Variants in CTNNA2 observed in about 807,000 individuals in gnomAD.
CTNNA2 encodes the protein catenin alpha 2.
In CTNNA2, 42 loss-of-function variants were observed where a neutral mutation model predicts 101.0. The ratio of observed to expected loss-of-function variants is 0.42; its 90% CI spans 0.32 to 0.54. The LOEUF is 0.54. CTNNA2 is among the 20% of genes least tolerant of loss of function. The probability of loss-of-function intolerance (pLI) is 0.14; values close to 1 mark genes in which losing one functional copy is unlikely to be tolerated. For synonymous variants in CTNNA2, 450 were observed against 456.4 expected (o/e 0.99, Z 0.18); for missense variants, 871 against 1,223.1 (o/e 0.71, Z 4.29).
intron 2 of CTNNA2, among the ~76,000 whole-genome samples, chr2:79,268,087 C>T (rs933727496): frequency 6.6e-6 from 1 of 152,076 alleles, no homozygotes; most frequent in Non-Finnish European, 1.5e-5. Context: ...TATTGAGAAG[C>T]TCATGGTGGC....
chr2:79,978,630 A>T (rs1450674181), intron 7 of CTNNA2, among the ~76,000 whole-genome samples: 1 of 152,112 alleles, frequency 6.6e-6, no homozygotes, highest in Non-Finnish European at 1.5e-5. Context: ...GGGAGAAAAG[A>T]GTTTGATTCA....
chr2:80,091,897 T>C (rs1699814290), intron 7 of CTNNA2, among the ~76,000 whole-genome samples: 1 of 152,150 alleles, frequency 6.6e-6, no homozygotes, highest in South Asian at 2.1e-4. Flanking sequence ...CCTCTGGCCA[T>C]CCAAACTGTT....
intron 18 of CTNNA2, among the ~76,000 whole-genome samples, chr2:80,647,347 G>A (rs1558678036): frequency 7.1e-6 from 1 of 140,444 alleles, no homozygotes; most frequent in African/African-American, 2.5e-5. Flanking sequence ...GTAATAATAT[G>A]AGATGTTCTA....
intron 7 of CTNNA2, among the ~76,000 whole-genome samples, chr2:80,339,924 G>A (rs1255240617): frequency 4.6e-5 from 7 of 152,128 alleles, no homozygotes; most frequent in African/African-American, 1.2e-4. Context: ...TCATTTCCCA[G>A]ACATTTTAAT....
chr2:79,211,567 G>A (rs565369704), intron 2 of CTNNA2, among the ~76,000 whole-genome samples: 1 of 152,256 alleles, frequency 6.6e-6, no homozygotes, highest in African/African-American at 2.4e-5. Flanking sequence ...GCTCAGTAGG[G>A]GAGCTTTTGA....
intron 7 of CTNNA2, among the ~76,000 whole-genome samples, chr2:80,175,406 G>T (rs1220470632): frequency 1.3e-5 from 2 of 152,106 alleles, no homozygotes; most frequent in Non-Finnish European, 2.9e-5. Context: ...CCTCACTATT[G>T]TATTCTCAGT....
chr2:79,998,588 A>T (rs184308849), intron 7 of CTNNA2, among the ~76,000 whole-genome samples: 35 of 152,280 alleles, frequency 2.3e-4, no homozygotes, highest in African/African-American at 8.2e-4. Context: ...TTTTGCAAAG[A>T]TTTGTGGCTA....
At chr2:79,500,990 G>A (rs1452513944) in intron 4 of CTNNA2, 1 of 152,186 alleles carries the variant, frequency 6.6e-6, no homozygotes, top group African/African-American at 2.4e-5. Context: ...CTAATCTGTG[G>A]TGTACTTTTT....
At chr2:79,276,501 T>C (rs1675216317) in intron 2 of CTNNA2, among the ~76,000 whole-genome samples, 1 of 152,110 alleles carries the variant, frequency 6.6e-6, no homozygotes, top group African/African-American at 2.4e-5. Context: ...CCTGATGTAA[T>C]GTTTGTTACC....
chr2:80,433,094 GT>G (rs905805031), intron 9 of CTNNA2, among the ~76,000 whole-genome samples: 1 of 152,128 alleles, frequency 6.6e-6, no homozygotes, highest in African/African-American at 2.4e-5. Flanking sequence ...TAAAGAGGCT[GT>G]TTTCATCCCC....
At chr2:79,757,259 A>T (rs1672462335) in intron 3 of CTNNA2, among the ~76,000 whole-genome samples, 1 of 118,656 alleles carries the variant, frequency 8.4e-6, no homozygotes, top group African/African-American at 3.8e-5. Context: ...GCAGAGCATA[A>T]TAATAAAAAA....
intron 4 of CTNNA2, among the ~76,000 whole-genome samples, chr2:79,391,269 G>A (rs115458458): frequency 0.018 from 2,737 of 152,184 alleles, 50 homozygotes; most frequent in South Asian, 0.034. Context: ...ACAAGACCAA[G>A]CCCTCCTCCT....
rs1019334809 is a variant in CTNNA2, at chr2:79,928,919, A to G, written c.1056+19122A>G. Among the ~76,000 whole-genome samples the G allele has an allele frequency of 9.2e-5, 14 of 152,326 alleles. No individual in the cohort carries two copies. In the East Asian group the frequency reaches 2.5e-3, roughly 27 times the overall value. On this transcript the variant is annotated intron_variant, in intron 7 of 18. Coordinates refer to ENST00000402739, the MANE Select transcript of CTNNA2 (RefSeq NM_001282597.3). ...TAGTTAATAGTTAATACTGACCTTG[A>G]GGTATATATTGTCTGTTTCATAATA... is the stretch of plus-strand genomic sequence containing the variant.
chr2:80,222,514 G>T (rs921067621), intron 7 of CTNNA2, among the ~76,000 whole-genome samples: 3 of 152,108 alleles, frequency 2.0e-5, no homozygotes, highest in Non-Finnish European at 4.4e-5. Context: ...TGCCATAGGT[G>T]ACTCCTCTGA....
chr2:80,179,559 G>T (rs1388234124), intron 7 of CTNNA2, among the ~76,000 whole-genome samples: 1 of 152,042 alleles, frequency 6.6e-6, no homozygotes, highest in Non-Finnish European at 1.5e-5. Context: ...ATTTTTAGTA[G>T]AGAAGGGATT....
At chr2:79,826,010 TG>T (rs1346028451) in intron 3 of CTNNA2, among the ~76,000 whole-genome samples, 1 of 152,230 alleles carries the variant, frequency 6.6e-6, no homozygotes, top group African/African-American at 2.4e-5. Context: ...TGCATTGTTT[TG>T]TTTGGGTCTC....
intron 2 of CTNNA2, among the ~76,000 whole-genome samples, chr2:79,712,691 G>T (rs868653966): frequency 1.3e-5 from 2 of 152,124 alleles, no homozygotes; most frequent in Non-Finnish European, 2.9e-5. Flanking sequence ...AGCTTTTAAA[G>T]AATAAGATGA....
chr2:80,227,781 T>C (rs1426812321), intron 7 of CTNNA2, among the ~76,000 whole-genome samples: 1 of 151,894 alleles, frequency 6.6e-6, no homozygotes, highest in African/African-American at 2.4e-5. Flanking sequence ...GTCTGAGAGA[T>C]CCAGGAGAAA....
At chr2:79,318,508 G>T (rs76011279) in intron 3 of CTNNA2, among the ~76,000 whole-genome samples, 16,269 of 152,134 alleles carry the variant, frequency 0.11, 1,053 homozygotes, top group Middle Eastern at 0.21. Flanking sequence ...CCAAGCACTG[G>T]CTCCACTCTC....
Sources: gnomAD v4.1 joint callset for allele counts (sites outside exome capture counted in the v4.1 genomes callset) on GRCh38, gnomAD v4.1.1 for gene constraint, MANE v1.5 for transcripts, NCBI Gene and HGNC (gene_info 2026-07-23, HGNC 2026-07-21) for gene names.